CCDC88C: variants seen among roughly 807,000 people sequenced by gnomAD.
CCDC88C encodes protein Daple.
A neutral mutation model predicts 198.8 loss-of-function variants in CCDC88C; 131 were observed. The ratio of observed to expected loss-of-function variants is 0.66; its 90% CI spans 0.57 to 0.76. The LOEUF is 0.76. CCDC88C is among the 30% of genes least tolerant of loss of function. CCDC88C has a pLI of 0.00. For synonymous variants in CCDC88C, 1,166 were observed against 1,114.7 expected, an observed-to-expected ratio of 1.05 and a Z score of -0.92; for missense variants, 2,553 against 2,631.6, an observed-to-expected ratio of 0.97 and a Z score of 0.65.
intron 22 of CCDC88C, among the ~76,000 whole-genome samples, chr14:91,295,932 G>A (rs1403461150): frequency 6.6e-6 from 1 of 152,176 alleles, no homozygotes; most frequent in Admixed American, 6.5e-5. Flanking sequence ...ATCTCGACAC[G>A]TAGATACTGG....
At chr14:91,299,093 A>C (rs926731737) in intron 21 of CCDC88C, among the ~76,000 whole-genome samples, 1 of 152,240 alleles carries the variant, frequency 6.6e-6, no homozygotes, top group Non-Finnish European at 1.5e-5. Context: ...AAAAATATAG[A>C]ATTAGGTTCC....
intron 29 of CCDC88C, among the ~76,000 whole-genome samples, chr14:91,275,001 T>A (rs1033615548): frequency 6.6e-6 from 1 of 152,086 alleles, no homozygotes; most frequent in African/African-American, 2.4e-5. Flanking sequence ...TGACATGCCC[T>A]CCCTGCATCA....
intron 3 of CCDC88C, among the ~76,000 whole-genome samples, chr14:91,363,593 A>C (rs1219910967): frequency 1.3e-5 from 2 of 152,270 alleles, no homozygotes; most frequent in Admixed American, 6.5e-5. Context: ...ATAATAAAAA[A>C]AAATTTTTAA....
intron 4 of CCDC88C, among the ~76,000 whole-genome samples, chr14:91,348,918 C>A (rs1456711845): frequency 6.6e-6 from 1 of 152,160 alleles, no homozygotes; most frequent in African/African-American, 2.4e-5. Context: ...CTACAGATTC[C>A]TACAAAATTT....
At position 91,309,997 on chromosome 14, in the gene CCDC88C, G is replaced by C. The variant is rs368620913; in HGVS notation, c.2737-11C>G. ...CTCGAGCACCAGGTCCTGGAATGAT[G>C]GGGAGAGAGCACTGGATAGGAGCTC... On this transcript the variant is annotated splice_polypyrimidine_tract_variant and intron_variant, in intron 15 of 29. Transcript: ENST00000389857. 79 of 1,586,016 alleles carry C rather than the reference G, an allele frequency of 5.0e-5. No individual in the cohort carries two copies. In the East Asian group the frequency reaches 9.6e-4, roughly 19 times the overall value.
chr14:91,366,900 A>G (rs760062863), intron 3 of CCDC88C, among the ~76,000 whole-genome samples: 21 of 152,264 alleles, frequency 1.4e-4, no homozygotes, highest in Middle Eastern at 3.4e-3. Context: ...GGCCATCTCA[A>G]CCACTGTGCC....
chr14:91,280,065 T>TC (rs888923648), intron 27 of CCDC88C: 4 of 152,210 alleles, frequency 2.6e-5, no homozygotes, highest in Admixed American at 2.6e-4. Flanking sequence ...GGGCAGGCCA[T>TC]CCCTTCCAGG....
chr14:91,357,463 G>A (rs1894088413), intron 4 of CCDC88C, among the ~76,000 whole-genome samples: 1 of 152,220 alleles, frequency 6.6e-6, no homozygotes, highest in African/African-American at 2.4e-5. Flanking sequence ...AGCACGCTCG[G>A]TCTTTCATTG....
At chr14:91,404,866 G>A (rs976533877) in intron 3 of CCDC88C, among the ~76,000 whole-genome samples, 6 of 151,748 alleles carry the variant, frequency 4.0e-5, no homozygotes, top group Non-Finnish European at 7.4e-5. Context: ...TCGGGAGGCT[G>A]AGGCAGGAGA....
intron 29 of CCDC88C, among the ~76,000 whole-genome samples, chr14:91,276,264 C>T (rs974706957): frequency 2.6e-5 from 4 of 152,210 alleles, no homozygotes; most frequent in African/African-American, 9.6e-5. Context: ...TGGCAAGGCC[C>T]CCAGACGATT....
intron 14 of CCDC88C, among the ~76,000 whole-genome samples, chr14:91,314,416 A>G (rs1439195088): frequency 3.9e-5 from 6 of 152,174 alleles, no homozygotes; most frequent in Non-Finnish European, 7.3e-5. Context: ...CTTAAGTTTC[A>G]GCGGTTTCTC....
intron 3 of CCDC88C, among the ~76,000 whole-genome samples, chr14:91,374,369 A>G (rs190201061): frequency 1.3e-5 from 2 of 152,338 alleles, no homozygotes; most frequent in East Asian, 3.9e-4. Flanking sequence ...GGTATTTTTC[A>G]TTGCTTGGAA....
rs540294004 is a variant in CCDC88C, at chr14:91,284,563, G to A, written c.4442-1046C>T. ...TGAGTGAACAGTTAGCATGAGCAGC[G>A]AACAGAGAAAGCACAATTCCAACAG... On this transcript the variant is annotated intron_variant, in intron 25 of 29. Transcript: ENST00000389857. The surrounding 1 kb of genome is among the most constrained non-coding windows in gnomAD (Gnocchi z 4.1). 2.0e-5 allele frequency among the ~76,000 whole-genome samples: 3 copies of A among 152,326 alleles called. No homozygotes were observed. Among genetic ancestry groups the A allele is most frequent in the South Asian group, 4.1e-4 (2 of 4,830 alleles).
Position 91,338,396 on chromosome 14 carries a change from C to A in CCDC88C, c.891+93G>T, listed in dbSNP as rs948924719. The A allele has an allele frequency of 1.7e-6, 2 of 1,158,912 alleles. No homozygotes were observed. The highest frequency in any genetic ancestry group is 1.5e-5 in the African/African-American group (1 of 65,298). The allele number at this position is 1,158,912 out of a possible 1,614,324, so 71.8% of individuals were successfully genotyped here. ...AAGTGGCTCTTGTGTGGCTTAAAAG[C>A]GCTGCTGTTGAGCTCCTGACCCTCC... On this transcript the variant is annotated intron_variant, in intron 9 of 29. Transcript: ENST00000389857. This position sits in a 1 kb window ranked among gnomAD's most constrained non-coding sequence, Gnocchi z 4.8.
intron 27 of CCDC88C, chr14:91,279,595 A>C (rs1890114498): frequency 3.6e-6 from 1 of 280,686 alleles, no homozygotes; most frequent in Non-Finnish European, 6.7e-6. Context: ...GAAATCTCAC[A>C]CAGAACGCCA....
intron 10 of CCDC88C, among the ~76,000 whole-genome samples, chr14:91,327,815 C>T (rs923991047): frequency 6.6e-6 from 1 of 152,198 alleles, no homozygotes; most frequent in East Asian, 1.9e-4. Flanking sequence ...AGCATCACTA[C>T]CCTCAGGCCC....
rs1234302493 is a variant in CCDC88C, at chr14:91,273,388, T to C, written c.5324A>G (p.Gln1775Arg). The C allele has an allele frequency of 1.3e-6, 2 of 1,533,712 alleles. No homozygotes were observed. The highest frequency in any genetic ancestry group is 2.3e-5 in the East Asian group (1 of 43,394). ...SVAPRQAQPP[Q>R]SLSLGRPRQA... ...CCGGGGTCTGCCCAGAGACAGGCTC[T>C]GGGGAGGCTGGGCCTGTCTCGGGGC... The change falls in exon 30 of 30, where the codon CAG becomes CGG. Residue 1775 changes from glutamine (Q) to arginine (R), a missense_variant. This residue lies in a region of CCDC88C where 1,293 missense variants were observed against 1,219.6 expected (regional missense o/e 1.06). Coordinates refer to ENST00000389857, the MANE Select transcript of CCDC88C (RefSeq NM_001080414.4). The surrounding 1 kb of genome is among the most constrained non-coding windows in gnomAD (Gnocchi z 5.6).
At position 91,325,882 on chromosome 14, in the gene CCDC88C, A is replaced by G. The variant is rs1163485777; in HGVS notation, c.1197+28T>C. The G allele has an allele frequency of 1.9e-6, 3 of 1,539,230 alleles. No homozygotes were observed. The South Asian group carries it at 3.6e-5, about 19-fold the overall frequency. On this transcript the variant is annotated intron_variant, in intron 11 of 29. Coordinates refer to ENST00000389857, the MANE Select transcript of CCDC88C (RefSeq NM_001080414.4). The surrounding 1 kb of genome is among the most constrained non-coding windows in gnomAD (Gnocchi z 4.1). ...CTGTGCCCGAGCCCAATCTGTTTTC[A>G]ATGTAGTAACAACACAGCCTGCAGT...
chr14:91,388,033 C>T (rs8010796), intron 3 of CCDC88C, among the ~76,000 whole-genome samples: 29 of 152,144 alleles, frequency 1.9e-4, no homozygotes, highest in African/African-American at 6.5e-4. Flanking sequence ...TTCTGCCTTG[C>T]GGCTGGGGAT....
Sources: gnomAD v4.1 joint callset for allele counts (sites outside exome capture counted in the v4.1 genomes callset) on GRCh38, gnomAD v4.1.1 for gene constraint, gnomAD v4.1.1 regional missense constraint, Gnocchi (gnomAD v3.1) non-coding constraint, MANE v1.5 for transcripts, NCBI Gene and HGNC (gene_info 2026-07-23, HGNC 2026-07-21) for gene names.